The following PDE4D variants were observed in gnomAD, a reference collection of about 807,000 sequenced individuals.
PDE4D encodes the protein phosphodiesterase 4D, also known as 3',5'-cyclic-AMP phosphodiesterase 4D.
In PDE4D, 24 loss-of-function variants were observed where a neutral mutation model predicts 87.4. The observed-to-expected ratio is 0.27, with a 90% confidence interval of 0.20 to 0.39. PDE4D has a LOEUF of 0.39. PDE4D is among the 10% of genes least tolerant of loss of function. The probability of loss-of-function intolerance (pLI) is 1.00; values close to 1 mark genes in which losing one functional copy is unlikely to be tolerated. For missense variants in PDE4D, 714 were observed against 1,041.0 expected (o/e 0.69, Z 4.32); for synonymous variants, 384 against 383.2 (o/e 1.00, Z -0.02).
chr5:59,293,521 C>T (rs1018155398), intron 1 of PDE4D, among the ~76,000 whole-genome samples: 3 of 152,138 alleles, frequency 2.0e-5, no homozygotes, highest in African/African-American at 4.8e-5. Flanking sequence ...CTCCGATTCC[C>T]ATTCTGCTCA....
chr5:59,205,327 C>A (rs1748505737), intron 2 of PDE4D, among the ~76,000 whole-genome samples: 1 of 151,894 alleles, frequency 6.6e-6, no homozygotes, highest in African/African-American at 2.4e-5. Context: ...ATGGGTAATT[C>A]CTTGTTAATG....
intron 1 of PDE4D, among the ~76,000 whole-genome samples, chr5:59,830,393 T>G (rs1354496410): frequency 1.3e-5 from 2 of 152,094 alleles, no homozygotes; most frequent in Non-Finnish European, 2.9e-5. Context: ...AGGTTTAATT[T>G]TCAAAATTAG....
chr5:59,665,199 A>G (rs1379308588), intron 1 of PDE4D, among the ~76,000 whole-genome samples: 3 of 152,216 alleles, frequency 2.0e-5, no homozygotes, highest in Non-Finnish European at 2.9e-5. Flanking sequence ...AGTTCCCTCC[A>G]GGTATTTTGG....
chr5:59,830,613 C>T (rs537429569), intron 1 of PDE4D, among the ~76,000 whole-genome samples: 17 of 152,180 alleles, frequency 1.1e-4, no homozygotes, highest in Non-Finnish European at 2.2e-4. Context: ...CCTTTCTGTA[C>T]ATTTCATTAA....
intron 1 of PDE4D, among the ~76,000 whole-genome samples, chr5:60,380,746 A>T (rs1396266154): frequency 6.6e-6 from 1 of 152,246 alleles, no homozygotes; most frequent in Non-Finnish European, 1.5e-5. Context: ...AAACATAAGA[A>T]GTGATATTGG....
At chr5:60,355,543 C>T (rs1759549748) in intron 1 of PDE4D, among the ~76,000 whole-genome samples, 1 of 152,116 alleles carries the variant, frequency 6.6e-6, no homozygotes, top group African/African-American at 2.4e-5. Context: ...TCTACTACAG[C>T]TGACCCTTGA....
intron 1 of PDE4D, among the ~76,000 whole-genome samples, chr5:60,412,714 T>C (rs1742143748): frequency 6.6e-6 from 1 of 152,242 alleles, no homozygotes; most frequent in African/African-American, 2.4e-5. Flanking sequence ...AGTTATTTAC[T>C]AAATCATTTT....
chr5:60,020,683 C>T lies in PDE4D; in HGVS notation c.43-31966G>A, dbSNP rs569765893. On this transcript the variant is annotated intron_variant, in intron 2 of 16. Transcript: ENST00000502484. ...TCCAGCCCAGACCAACCCAGCCCAG[C>T]CCAGCTCAGCCCAGTCCTGTCACCA... is the stretch of plus-strand genomic sequence containing the variant. Among the ~76,000 whole-genome samples the T allele has an allele frequency of 2.0e-5, 3 of 152,310 alleles. No individual in the cohort carries two copies. The South Asian group carries it at 6.2e-4, about 32-fold the overall frequency.
chr5:60,063,150 GA>G (rs2152889608), intron 2 of PDE4D, among the ~76,000 whole-genome samples: 2 of 146,392 alleles, frequency 1.4e-5, no homozygotes, highest in Admixed American at 6.9e-5. Flanking sequence ...AAGAAAGAAA[GA>G]AAGAAGGAAA....
intron 5 of PDE4D, among the ~76,000 whole-genome samples, chr5:59,102,078 CTACTT>C (rs1247610075): frequency 7.4e-6 from 1 of 134,958 alleles, no homozygotes. Flanking sequence ...AATTTTTTCC[CTACTT>C]TTTTTTTTTT....
intron 1 of PDE4D, among the ~76,000 whole-genome samples, chr5:59,868,068 G>A (rs1337081144): frequency 6.6e-6 from 1 of 152,220 alleles, no homozygotes; most frequent in African/African-American, 2.4e-5. Flanking sequence ...AAACGGTCAG[G>A]TTGCAAAGTC....
intron 1 of PDE4D, among the ~76,000 whole-genome samples, chr5:59,841,604 T>C (rs925341684): frequency 6.6e-6 from 1 of 151,956 alleles, no homozygotes; most frequent in Non-Finnish European, 1.5e-5. Context: ...CAAAAATCTA[T>C]CATGCTAGAA....
intron 1 of PDE4D, among the ~76,000 whole-genome samples, chr5:59,366,035 TC>T (rs1407771370): frequency 1.3e-5 from 2 of 151,996 alleles, no homozygotes; most frequent in African/African-American, 4.8e-5. Context: ...AGAGGCTTTT[TC>T]CCCCCAAGAT....
At chr5:59,688,303 G>T (rs971492795) in intron 1 of PDE4D, among the ~76,000 whole-genome samples, 2 of 152,126 alleles carry the variant, frequency 1.3e-5, no homozygotes, top group Non-Finnish European at 2.9e-5. Context: ...TTCCAAAATT[G>T]ACCATATAGT....
At position 58,990,891 on chromosome 5, in the gene PDE4D, A is replaced by G. The variant is rs769291366; in HGVS notation, c.1200T>C (p.Asp400=). 3.8e-6 allele frequency: 6 copies of G among 1,582,144 alleles called. No homozygotes were observed. In the Admixed American group the frequency reaches 8.6e-5, roughly 23 times the overall value. Residue 400 remains aspartate, a synonymous_variant, in exon 9 of 15, where the codon GAT becomes GAC. Coordinates refer to ENST00000340635, the MANE Select transcript of PDE4D (RefSeq NM_001104631.2). ...AAACATGAAGACCCCATTTGTTCAC[A>G]TCTTCTAGTTCCTGGAGTGAAAAAA... ...QEDVLAKELE[D]VNKWGLHVFR... is the part of the protein sequence containing the mutation.
At chr5:59,519,953 T>C (rs928353328) in intron 1 of PDE4D, among the ~76,000 whole-genome samples, 6 of 152,154 alleles carry the variant, frequency 3.9e-5, no homozygotes, top group African/African-American at 1.4e-4. Flanking sequence ...CTTATGTATT[T>C]ATGGTTTATA....
At chr5:59,158,673 A>G (rs1240638495) in intron 5 of PDE4D, among the ~76,000 whole-genome samples, 2 of 152,220 alleles carry the variant, frequency 1.3e-5, no homozygotes, top group Non-Finnish European at 2.9e-5. Flanking sequence ...AAATATTAGG[A>G]AAAAGTTAGA....
At position 59,908,393 on chromosome 5, in the gene PDE4D, A is replaced by T. The variant is rs528853639; in HGVS notation, c.272+80095T>A. Reference sequence around the variant, plus strand: ...ATTATTGGTTACGGCTTCCGAAAACAAGTGGAAGCAGCATCCACTGTACCC... The same window carrying T: ...ATTATTGGTTACGGCTTCCGAAAACTAGTGGAAGCAGCATCCACTGTACCC... On this transcript the variant is annotated intron_variant, in intron 3 of 16. Transcript: ENST00000502484. 8.5e-5 allele frequency among the ~76,000 whole-genome samples: 13 copies of T among 152,314 alleles called. No individual in the cohort carries two copies. In the East Asian group the frequency reaches 2.5e-3, roughly 29 times the overall value.
At chr5:59,217,880 CAT>C in intron 1 of PDE4D, 1 of 333,622 alleles carries the variant, frequency 3.0e-6, no homozygotes, top group South Asian at 2.4e-5. Context: ...ATTCAATAGA[CAT>C]ACATTAGGGA....
Sources: gnomAD v4.1 joint callset for allele counts (sites outside exome capture counted in the v4.1 genomes callset) on GRCh38, gnomAD v4.1.1 for gene constraint, MANE v1.5 for transcripts, NCBI Gene and HGNC (gene_info 2026-07-23, HGNC 2026-07-21) for gene names.